CCDC30: variants seen among roughly 807,000 people sequenced by gnomAD.
The protein encoded by CCDC30 is coiled-coil domain-containing protein 30.
Under a neutral mutation model 100.2 loss-of-function variants are expected in CCDC30, and 70 were observed. The observed-to-expected ratio is 0.70, with a 90% CI of 0.58 to 0.85. CCDC30 has a LOEUF of 0.85. Ranked by LOEUF, CCDC30 falls within the 40% of genes least tolerant of loss-of-function variation. The probability of loss-of-function intolerance (pLI) is 0.00; values close to 1 mark genes in which losing one functional copy is unlikely to be tolerated. For synonymous variants in CCDC30, 233 were observed against 269.5 expected, an observed-to-expected ratio of 0.86 and a Z score of 1.33; for missense variants, 652 against 771.2, an observed-to-expected ratio of 0.85 and a Z score of 1.83.
At chr1:42,523,093 G>T (rs991474807) in intron 6 of CCDC30, among the ~76,000 whole-genome samples, 1 of 152,118 alleles carries the variant, frequency 6.6e-6, no homozygotes, top group Admixed American at 6.5e-5. Flanking sequence ...GCCTCCCAAA[G>T]TGCTGGGATT....
chr1:42,538,936 C>T (rs1644960488), intron 6 of CCDC30, among the ~76,000 whole-genome samples: 1 of 152,156 alleles, frequency 6.6e-6, no homozygotes. Context: ...CTAAATCTTT[C>T]AACCTGTGAA....
intron 11 of CCDC30, among the ~76,000 whole-genome samples, chr1:42,618,626 T>C (rs1646772353): frequency 6.6e-6 from 1 of 152,174 alleles, no homozygotes; most frequent in Non-Finnish European, 1.5e-5. Context: ...GAATACCTCC[T>C]TATAAAGAAC....
At chr1:42,456,987 C>T in the CCDC30 span, 1 of 1,602,608 alleles carries the variant, frequency 6.2e-7, no homozygotes, top group Non-Finnish European at 8.5e-7. Flanking sequence ...GCTGCGGCTG[C>T]AGGCACCTTC....
chr1:42,633,584 G>A (rs373805333), intron 11 of CCDC30, among the ~76,000 whole-genome samples: 37 of 152,110 alleles, frequency 2.4e-4, no homozygotes, highest in African/African-American at 8.2e-4. Context: ...CCAGGAAACC[G>A]GGAGGGAGAC....
chr1:42,516,365 A>G (rs1644554429), intron 6 of CCDC30, among the ~76,000 whole-genome samples: 1 of 152,038 alleles, frequency 6.6e-6, no homozygotes, highest in Admixed American at 6.6e-5. Context: ...TGTTTGGGTC[A>G]TGGGGAAGAT....
intron 4 of CCDC30, among the ~76,000 whole-genome samples, chr1:42,495,426 C>A (rs1644216634): frequency 1.3e-5 from 2 of 151,614 alleles, no homozygotes; most frequent in South Asian, 4.2e-4. Context: ...TTAGTGGGTG[C>A]AGCACACCAG....
intron 6 of CCDC30, among the ~76,000 whole-genome samples, chr1:42,541,968 A>T (rs1645020265): frequency 1.3e-5 from 2 of 152,218 alleles, no homozygotes; most frequent in Admixed American, 6.5e-5. Flanking sequence ...AGGCCCAGGG[A>T]TATTAGACTG....
chr1:42,634,640 A>G (rs1205498626), intron 11 of CCDC30, among the ~76,000 whole-genome samples: 2 of 152,228 alleles, frequency 1.3e-5, no homozygotes, highest in Non-Finnish European at 2.9e-5. Flanking sequence ...ATTAGATATT[A>G]TAGTAGCTTG....
the CCDC30 span, chr1:42,457,129 A>G: frequency 6.3e-7 from 1 of 1,580,112 alleles, no homozygotes; most frequent in South Asian, 1.2e-5. Context: ...CTTTCCAGCC[A>G]CTTATCCCCT....
At chr1:42,544,975 A>G (rs188637182) in intron 6 of CCDC30, among the ~76,000 whole-genome samples, 180 of 152,050 alleles carry the variant, frequency 1.2e-3, no homozygotes, top group Non-Finnish European at 1.3e-3. Flanking sequence ...TTCTGGCAGC[A>G]ATATATTTTT....
rs111443043 is a variant in CCDC30, at chr1:42,624,576, C to G, written c.1278-12661C>G. Among the ~76,000 whole-genome samples the G allele has an allele frequency of 8.3e-4, 127 of 152,310 alleles. 1 individual carries two copies. Among genetic ancestry groups the G allele is most frequent in the African/African-American group, 2.6e-3 (110 of 41,564 alleles). On this transcript the variant is annotated intron_variant, in intron 11 of 16. Transcript: ENST00000668663. ...CTTACTGCAAACTCCACCTTCCAGG[C>G]CCAAGCAATCCTCCCACCTCAGCCT...
At chr1:42,475,872 A>G (rs1213439298) in intron 1 of CCDC30, among the ~76,000 whole-genome samples, 1 of 151,232 alleles carries the variant, frequency 6.6e-6, no homozygotes, top group East Asian at 1.9e-4. Context: ...GCAAAACTTT[A>G]CCTCTTCCTC....
At chr1:42,518,610 T>C (rs1257087290) in intron 6 of CCDC30, among the ~76,000 whole-genome samples, 1 of 152,236 alleles carries the variant, frequency 6.6e-6, no homozygotes, top group East Asian at 1.9e-4. Context: ...CCATATAGCC[T>C]AGGTGTGTAA....
At chr1:42,457,565 G>A in the CCDC30 span, 17 of 585,914 alleles carry the variant, frequency 2.9e-5, no homozygotes, top group Non-Finnish European at 6.1e-6. Context: ...TGCTCTAGTG[G>A]AGGTATGTAC....
At chr1:42,462,822 CT>C (rs540206523), upstream of CCDC30, among the ~76,000 whole-genome samples, 106 of 152,300 alleles carry the variant, frequency 7.0e-4, no homozygotes, top group African/African-American at 2.4e-3. Flanking sequence ...CAGTTTCTTC[CT>C]TTTTACAATA....
intron 11 of CCDC30, among the ~76,000 whole-genome samples, chr1:42,634,059 TA>T (rs1647095142): frequency 6.6e-6 from 1 of 151,904 alleles, no homozygotes; most frequent in Admixed American, 6.6e-5. Flanking sequence ...ATGATTCAAT[TA>T]CCTCCCACCA....
At chr1:42,581,934 T>G (rs965641758) in intron 9 of CCDC30, among the ~76,000 whole-genome samples, 1 of 151,588 alleles carries the variant, frequency 6.6e-6, no homozygotes, top group African/African-American at 2.4e-5. Flanking sequence ...AAATAAAAAA[T>G]ATATTGGCCA....
At chr1:42,597,758 A>G (rs1646318924) in intron 10 of CCDC30, among the ~76,000 whole-genome samples, 1 of 152,148 alleles carries the variant, frequency 6.6e-6, no homozygotes, top group South Asian at 2.1e-4. Flanking sequence ...ATACCACTTC[A>G]GGAGGCTGAG....
intron 3 of CCDC30, among the ~76,000 whole-genome samples, chr1:42,488,617 C>T (rs1248042464): frequency 6.6e-6 from 1 of 152,188 alleles, no homozygotes; most frequent in African/African-American, 2.4e-5. Context: ...CAGAAAGCTA[C>T]AGTTTTCAAG....
Sources: allele counts gnomAD v4.1 joint callset (sites outside exome capture counted in the v4.1 genomes callset), GRCh38; gene constraint gnomAD v4.1.1; transcripts MANE v1.5; gene names NCBI Gene and HGNC (gene_info 2026-07-23, HGNC 2026-07-21).